The following RASEF variants were observed in gnomAD, a reference collection of about 807,000 sequenced individuals.
RASEF encodes ras and EF-hand domain-containing protein.
In RASEF, 68 loss-of-function variants were observed where a neutral mutation model predicts 90.1. The observed-to-expected ratio is 0.75, with a 90% CI of 0.62 to 0.92. RASEF has a LOEUF of 0.92. Ranked by LOEUF, RASEF falls within the 40% of genes least tolerant of loss-of-function variation. RASEF has a pLI of 0.00. For missense variants in RASEF, 949 were observed against 937.2 expected (o/e 1.01, Z -0.16); for synonymous variants, 331 against 345.2 (o/e 0.96, Z 0.46).
the RASEF span, among the ~76,000 whole-genome samples, chr9:83,105,349 G>C: frequency 6.6e-6 from 1 of 152,102 alleles, no homozygotes; most frequent in Admixed American, 6.6e-5. Flanking sequence ...TAAATAAAAA[G>C]ATAGACAGCA....
At chr9:83,083,698 A>G in the RASEF span, among the ~76,000 whole-genome samples, 1 of 152,132 alleles carries the variant, frequency 6.6e-6, no homozygotes, top group African/African-American at 2.4e-5. Context: ...GACACCCCCT[A>G]TGTAATGCTG....
chr9:83,035,719 A>G (rs868452864), intron 1 of RASEF, among the ~76,000 whole-genome samples: 9 of 151,966 alleles, frequency 5.9e-5, no homozygotes, highest in Admixed American at 1.3e-4. Flanking sequence ...GTTATTTTTC[A>G]TGGAAAAAAA....
At chr9:83,219,055 C>T in the RASEF span, among the ~76,000 whole-genome samples, 9 of 152,010 alleles carry the variant, frequency 5.9e-5, no homozygotes, top group South Asian at 8.3e-4. Context: ...TTCTACCCAC[C>T]GAACCAAACA....
the RASEF span, among the ~76,000 whole-genome samples, chr9:83,158,737 C>CATATACATATATGTATATATTTATGT: frequency 4.8e-3 from 697 of 145,018 alleles, 12 homozygotes; most frequent in African/African-American, 0.016. Context: ...TATTTATGTA[C>CATATACATATATGTATATATTTATGT]ATATACATAT....
Position 83,007,463 on chromosome 9 carries a change from A to T in RASEF, c.1002T>A (p.Ser334Arg). The change falls in exon 7 of 17, where the codon AGT becomes AGA. Residue 334 changes from serine (S) to arginine (R), a missense_variant. Transcript: ENST00000376447. ...IIRAYTEDRNSLERQIEILQT... is the reference protein window; with the variant it reads ...IIRAYTEDRNRLERQIEILQT... ...GGAGTATTTCAATTTGCCTCTCAAGACTATTTCGATCTTCTGTGTATGCTC... is the reference window on the plus strand; with the variant it reads ...GGAGTATTTCAATTTGCCTCTCAAGTCTATTTCGATCTTCTGTGTATGCTC... The T allele has an allele frequency of 6.2e-7, 1 of 1,612,854 alleles. No individual in the cohort carries two copies. The highest frequency in any genetic ancestry group is 8.5e-7 in the Non-Finnish European group (1 of 1,178,882).
intron 1 of RASEF, 148 bp downstream of exon 1, chr9:83,062,289 A>G: frequency 1.3e-6 from 1 of 759,580 alleles, no homozygotes; most frequent in Non-Finnish European, 2.1e-6. Context: ...GGATCTTGGA[A>G]AAGTCAAAGC....
chr9:83,116,935 A>G, the RASEF span, among the ~76,000 whole-genome samples: 1 of 152,348 alleles, frequency 6.6e-6, no homozygotes, highest in Non-Finnish European at 1.5e-5. Context: ...CTTCTTATAA[A>G]GTAGAAAGTC....
At position 82,997,142 on chromosome 9, in the gene RASEF, C is replaced by T. The variant is rs748562847; in HGVS notation, c.1806-16G>A. The T allele has an allele frequency of 1.2e-5, 17 of 1,474,024 alleles. No homozygotes were observed. In the African/African-American group the frequency reaches 2.2e-4, roughly 19 times the overall value. The allele number at this position is 1,474,024 out of a possible 1,614,324, so 91.3% of individuals were successfully genotyped here. On this transcript the variant is annotated splice_polypyrimidine_tract_variant and intron_variant, in intron 13 of 16. Coordinates refer to ENST00000376447, the MANE Select transcript of RASEF (RefSeq NM_152573.4). Reference sequence around the variant, plus strand: ...ACTTCTGAATCTGAGAAAGAGAAAACCACATCATCAGTCAGTTTGTGTTGC... The same window carrying T: ...ACTTCTGAATCTGAGAAAGAGAAAATCACATCATCAGTCAGTTTGTGTTGC...
the RASEF span, among the ~76,000 whole-genome samples, chr9:83,184,484 C>T: frequency 1.3e-5 from 2 of 152,162 alleles, no homozygotes; most frequent in African/African-American, 2.4e-5. Flanking sequence ...GCATCACACA[C>T]CCCTACGTGG....
chr9:83,188,923 G>C, the RASEF span, among the ~76,000 whole-genome samples: 15 of 152,278 alleles, frequency 9.9e-5, no homozygotes, highest in East Asian at 2.5e-3. Context: ...CTGGCAAGGA[G>C]AGACCCCAGC....
chr9:83,126,326 G>A, the RASEF span, among the ~76,000 whole-genome samples: 1 of 152,068 alleles, frequency 6.6e-6, no homozygotes, highest in Admixed American at 6.5e-5. Context: ...CAGCAAGAAG[G>A]TGGCTGTTTG....
At chr9:83,011,355 C>T (rs2118502827) in intron 5 of RASEF, among the ~76,000 whole-genome samples, 1 of 151,972 alleles carries the variant, frequency 6.6e-6, no homozygotes, top group South Asian at 2.1e-4. Context: ...AGATTGAGAC[C>T]ACCCTGGCCA....
the RASEF span, among the ~76,000 whole-genome samples, chr9:83,094,756 T>C: frequency 6.6e-6 from 1 of 152,224 alleles, no homozygotes; most frequent in African/African-American, 2.4e-5. Context: ...ACTCCTGCTC[T>C]TGGGTTGGCA....
chr9:83,160,122 A>T, the RASEF span, among the ~76,000 whole-genome samples: 446 of 152,320 alleles, frequency 2.9e-3, 5 homozygotes, highest in Middle Eastern at 0.01. Flanking sequence ...AATACAATAA[A>T]TTGGTAACAG....
chr9:83,130,514 G>C, the RASEF span, among the ~76,000 whole-genome samples: 2 of 104,758 alleles, frequency 1.9e-5, no homozygotes, highest in Non-Finnish European at 3.9e-5. Flanking sequence ...CTATTCAGCA[G>C]AATAAACCAC....
At chr9:83,101,812 A>G in the RASEF span, among the ~76,000 whole-genome samples, 1 of 152,062 alleles carries the variant, frequency 6.6e-6, no homozygotes, top group African/African-American at 2.4e-5. Context: ...TCAATATATA[A>G]CCTTGTTTTA....
intron 1 of RASEF, among the ~76,000 whole-genome samples, chr9:83,032,071 C>T (rs958569829): frequency 2.0e-5 from 3 of 152,132 alleles, no homozygotes; most frequent in Admixed American, 1.3e-4. Flanking sequence ...TTCTGTGCCT[C>T]TCCTGGGCAG....
the RASEF span, among the ~76,000 whole-genome samples, chr9:83,074,898 A>G: frequency 5.6e-4 from 85 of 152,360 alleles, no homozygotes; most frequent in African/African-American, 2.0e-3. Flanking sequence ...TTTTAAAACA[A>G]CATAGTAATC....
At chr9:83,011,572 A>AAAC (rs1365953660) in intron 5 of RASEF, among the ~76,000 whole-genome samples, 14 of 150,914 alleles carry the variant, frequency 9.3e-5, no homozygotes, top group Middle Eastern at 3.5e-3. Flanking sequence ...AAAAAAAAAA[A>AAAC]AAAACTGAAA....
Sources: allele counts gnomAD v4.1 joint callset (sites outside exome capture counted in the v4.1 genomes callset), GRCh38; gene constraint gnomAD v4.1.1; transcripts MANE v1.5; gene names NCBI Gene and HGNC (gene_info 2026-07-23, HGNC 2026-07-21).